CCDC85A: variants seen among roughly 807,000 people sequenced by gnomAD.
The protein encoded by CCDC85A is coiled-coil domain containing 85A.
A neutral mutation model predicts 50.2 loss-of-function variants in CCDC85A; 38 were observed. The observed-to-expected ratio is 0.76, with a 90% confidence interval of 0.58 to 0.99. CCDC85A has a LOEUF of 0.99. Ranked by LOEUF, CCDC85A falls within the 50% of genes least tolerant of loss-of-function variation. The probability of loss-of-function intolerance (pLI) is 0.00; values close to 1 mark genes in which losing one functional copy is unlikely to be tolerated. For synonymous variants in CCDC85A, 366 were observed against 301.4 expected (o/e 1.21, Z -2.22); for missense variants, 820 against 742.0 (o/e 1.11, Z -1.22).
Position 56,192,448 on chromosome 2 carries a change from C to A in CCDC85A, c.277-29C>A, listed in dbSNP as rs1178078254. 3.8e-6 allele frequency: 6 copies of A among 1,579,850 alleles called. No homozygotes were observed. The highest frequency in any genetic ancestry group is 2.7e-5 in the African/African-American group (2 of 74,040). On this transcript the variant is annotated intron_variant, in intron 1 of 5. Coordinates refer to ENST00000407595, the MANE Select transcript of CCDC85A (RefSeq NM_001080433.2). This position sits in a 1 kb window ranked among gnomAD's most constrained non-coding sequence, Gnocchi z 4.7. ...CTGCTGACACCTCAGATGTGTACTT[C>A]CCTTGAATGGTTGTGTCTCTCTTTT...
intron 2 of CCDC85A, among the ~76,000 whole-genome samples, chr2:56,242,322 C>T (rs1669298846): frequency 6.6e-6 from 1 of 152,082 alleles, no homozygotes. Flanking sequence ...TTAATTGGCT[C>T]ATGGTTCTGC....
chr2:56,325,302 G>C (rs955711983), intron 2 of CCDC85A, among the ~76,000 whole-genome samples: 1 of 152,020 alleles, frequency 6.6e-6, no homozygotes, highest in Non-Finnish European at 1.5e-5. Context: ...GAAGATAATA[G>C]TTACTTTAGG....
chr2:56,238,443 G>A (rs1201730311), intron 2 of CCDC85A, among the ~76,000 whole-genome samples: 1 of 149,416 alleles, frequency 6.7e-6, no homozygotes, highest in African/African-American at 2.5e-5. Context: ...GTGGCACTCA[G>A]CGTTCATTTT....
intron 2 of CCDC85A, among the ~76,000 whole-genome samples, chr2:56,202,427 A>T (rs1676783631): frequency 6.6e-6 from 1 of 152,192 alleles, no homozygotes; most frequent in Non-Finnish European, 1.5e-5. Flanking sequence ...CCTTCCAGAT[A>T]AACATTCTTG....
At chr2:56,337,612 C>G (rs1298620505) in intron 2 of CCDC85A, among the ~76,000 whole-genome samples, 1 of 152,152 alleles carries the variant, frequency 6.6e-6, no homozygotes, top group African/African-American at 2.4e-5. Context: ...TATCAAAATT[C>G]TATTGATGCA....
At chr2:56,328,560 GC>G (rs1673593908) in intron 2 of CCDC85A, among the ~76,000 whole-genome samples, 2 of 152,132 alleles carry the variant, frequency 1.3e-5, no homozygotes, top group Non-Finnish European at 2.9e-5. Flanking sequence ...CTATGTAACT[GC>G]TTATTCTGCA....
At position 56,339,339 on chromosome 2, in the gene CCDC85A, T is replaced by C. The variant is rs546718234; in HGVS notation, c.1241-3540T>C. ...CTTTAGAAAAAAGATGTGGACATGA[T>C]CTATTGTAATTCAACATTAAAAACG... On this transcript the variant is annotated intron_variant, in intron 2 of 5. Coordinates refer to ENST00000407595, the MANE Select transcript of CCDC85A (RefSeq NM_001080433.2). Among the ~76,000 whole-genome samples the C allele has an allele frequency of 9.8e-5, 15 of 152,330 alleles. 1 individual carries two copies. The South Asian group carries it at 3.1e-3, about 32-fold the overall frequency.
intron 3 of CCDC85A, among the ~76,000 whole-genome samples, chr2:56,364,843 G>T (rs1018594748): frequency 3.3e-5 from 5 of 150,636 alleles, no homozygotes; most frequent in Non-Finnish European, 7.4e-5. Flanking sequence ...TAGGCAATAA[G>T]TAATACTTTT....
intron 3 of CCDC85A, among the ~76,000 whole-genome samples, chr2:56,349,578 G>T (rs1674800979): frequency 2.0e-5 from 3 of 152,114 alleles, no homozygotes; most frequent in Admixed American, 2.0e-4. Context: ...ATTCTTCAGA[G>T]ATTTCCTCAT....
At chr2:56,228,247 T>G (rs553629923) in intron 2 of CCDC85A, among the ~76,000 whole-genome samples, 1 of 152,166 alleles carries the variant, frequency 6.6e-6, no homozygotes, top group East Asian at 1.9e-4. Flanking sequence ...AGTTGATGGG[T>G]GCAGCACACC....
In CCDC85A at chr2:56,385,717, A is replaced by C. The variant is rs1230876399; in HGVS notation, c.*1362A>C. Reference sequence around the variant, plus strand: ...ATTACATAACGAGTTAATTGTCACTAGTAGGAGACTGTGAAGGAATTTTGT... The same window carrying C: ...ATTACATAACGAGTTAATTGTCACTCGTAGGAGACTGTGAAGGAATTTTGT... On this transcript the variant is annotated 3_prime_UTR_variant, in exon 6 of 6. Transcript: ENST00000407595. 6.6e-6 allele frequency: 1 copy of C among 151,898 alleles called. No homozygotes were observed. Among genetic ancestry groups the C allele is most frequent in the Non-Finnish European group, 1.5e-5 (1 of 67,802 alleles). The allele number at this position is 151,898 out of a possible 1,614,324, so 9.4% of individuals were successfully genotyped here.
chr2:56,364,406 T>C (rs1204958824), intron 3 of CCDC85A, among the ~76,000 whole-genome samples: 1 of 152,248 alleles, frequency 6.6e-6, no homozygotes, highest in African/African-American at 2.4e-5. Context: ...AATTACTTTC[T>C]TTTCCTTCCA....
intron 2 of CCDC85A, among the ~76,000 whole-genome samples, chr2:56,309,026 T>C (rs1672569307): frequency 1.3e-5 from 2 of 152,196 alleles, no homozygotes; most frequent in Non-Finnish European, 2.9e-5. Flanking sequence ...AACTGGGACT[T>C]GGGATTGTGC....
At chr2:56,318,363 G>C (rs76738139) in intron 2 of CCDC85A, among the ~76,000 whole-genome samples, 5,351 of 151,948 alleles carry the variant, frequency 0.035, 308 homozygotes, top group African/African-American at 0.12. Flanking sequence ...ATGAGCTGTT[G>C]CTTCAGTGTA....
chr2:56,323,794 C>G (rs1343917090), intron 2 of CCDC85A, among the ~76,000 whole-genome samples: 1 of 152,060 alleles, frequency 6.6e-6, no homozygotes, highest in African/African-American at 2.4e-5. Context: ...GTATTAGGAA[C>G]TAAATTCTTA....
chr2:56,321,509 G>A (rs4024959), intron 2 of CCDC85A, among the ~76,000 whole-genome samples: 3 of 152,124 alleles, frequency 2.0e-5, no homozygotes, highest in African/African-American at 7.2e-5. Flanking sequence ...CAGACAAACA[G>A]AGAGCCAAAT....
intron 2 of CCDC85A, among the ~76,000 whole-genome samples, chr2:56,296,834 A>T (rs1440009434): frequency 6.6e-6 from 1 of 152,202 alleles, no homozygotes; most frequent in Non-Finnish European, 1.5e-5. Context: ...CTATTTGCTT[A>T]TTTAAAATAG....
At position 56,184,399 on chromosome 2, in the gene CCDC85A, C is replaced by A. The variant is rs1675899523; in HGVS notation, c.-226C>A. The stretch of plus-strand genomic sequence containing the variant: ...TGGGACGGGCCTCGGCAGCAGCAAG[C>A]GGCTGGCTGCCGGGCCCTGGGGGAG... On this transcript the variant is annotated 5_prime_UTR_variant, in exon 1 of 6. Coordinates refer to ENST00000407595, the MANE Select transcript of CCDC85A (RefSeq NM_001080433.2). 2.0e-6 allele frequency: 1 copy of A among 507,214 alleles called. No homozygotes were observed. The highest frequency in any genetic ancestry group is 9.9e-5 in the South Asian group (1 of 10,110). The allele number at this position is 507,214 out of a possible 1,614,324, so 31.4% of individuals were successfully genotyped here.
At chr2:56,309,401 AC>A (rs1168497299) in intron 2 of CCDC85A, among the ~76,000 whole-genome samples, 3 of 152,126 alleles carry the variant, frequency 2.0e-5, no homozygotes, top group Non-Finnish European at 4.4e-5. Flanking sequence ...AGCTTCACAG[AC>A]CCTAGTTGGC....
Sources: gnomAD v4.1 joint callset for allele counts (sites outside exome capture counted in the v4.1 genomes callset) on GRCh38, gnomAD v4.1.1 for gene constraint, Gnocchi (gnomAD v3.1) non-coding constraint, MANE v1.5 for transcripts, NCBI Gene and HGNC (gene_info 2026-07-23, HGNC 2026-07-21) for gene names.